Variants in KDM4C observed in about 807,000 individuals in gnomAD.
KDM4C encodes lysine demethylase 4C, also known as lysine-specific demethylase 4C.
A neutral mutation model predicts 129.3 loss-of-function variants in KDM4C; 81 were observed. The observed-to-expected ratio is 0.63, with a 90% CI of 0.52 to 0.75. The LOEUF (loss-of-function observed/expected upper bound fraction) is 0.75, where lower values mean the gene tolerates loss of function less well. Among genes scored for constraint, KDM4C ranks in the 30% least tolerant of loss-of-function variants. KDM4C has a pLI of 0.00. For missense variants in KDM4C, 1,457 were observed against 1,304.0 expected, an observed-to-expected ratio of 1.12 and a Z score of -1.81; for synonymous variants, 573 against 456.1, an observed-to-expected ratio of 1.26 and a Z score of -3.26.
At chr9:6,964,237 C>T (rs972924358) in intron 8 of KDM4C, among the ~76,000 whole-genome samples, 1 of 145,342 alleles carries the variant, frequency 6.9e-6, no homozygotes, top group Non-Finnish European at 1.5e-5. Context: ...TATCCCTCCC[C>T]CCTCCCCTGA....
At chr9:6,877,826 A>G (rs1843797846) in intron 5 of KDM4C, among the ~76,000 whole-genome samples, 2 of 152,194 alleles carry the variant, frequency 1.3e-5, no homozygotes, top group Admixed American at 1.3e-4. Flanking sequence ...TCTGATGGTG[A>G]CATTCCAGTT....
At chr9:6,806,233 G>A (rs954657520) in intron 3 of KDM4C, among the ~76,000 whole-genome samples, 1 of 152,138 alleles carries the variant, frequency 6.6e-6, no homozygotes, top group Admixed American at 6.6e-5. Flanking sequence ...GGTGGCTCAT[G>A]CCTGTAATCC....
At chr9:6,743,511 C>CTT (rs765932331) in intron 1 of KDM4C, among the ~76,000 whole-genome samples, 9 of 142,562 alleles carry the variant, frequency 6.3e-5, no homozygotes, top group Admixed American at 1.4e-4. Flanking sequence ...TTTCTGCTTC[C>CTT]TTTTTTTTTT....
intron 8 of KDM4C, among the ~76,000 whole-genome samples, chr9:6,952,395 C>G (rs1426464884): frequency 1.5e-5 from 2 of 135,826 alleles, no homozygotes; most frequent in Admixed American, 7.3e-5. Context: ...GGAAATTGTT[C>G]ACAGTGTGTA....
rs969985322 is a variant in KDM4C, at chr9:6,968,600, C to G, written c.922-12325C>G. On this transcript the variant is annotated intron_variant, in intron 8 of 21. Transcript: ENST00000381309. ...GAAAAAGTAGTTGAATTCTGCCCTT[C>G]TGCGTTATAAGTTTACTTTGTTGGA... Among the ~76,000 whole-genome samples the G allele has an allele frequency of 1.1e-4, 17 of 152,184 alleles. 1 individual carries two copies. Among genetic ancestry groups the G allele is most frequent in the Admixed American group, 8.5e-4 (13 of 15,278 alleles).
chr9:7,030,202 A>T (rs1826490275), intron 15 of KDM4C, among the ~76,000 whole-genome samples: 2 of 152,144 alleles, frequency 1.3e-5, no homozygotes. Flanking sequence ...TAGGGACCTT[A>T]AATAAAACTG....
chr9:6,753,420 A>G (rs1281307678), upstream of KDM4C, among the ~76,000 whole-genome samples: 1 of 152,148 alleles, frequency 6.6e-6, no homozygotes, highest in African/African-American at 2.4e-5. Flanking sequence ...ATAGGATACC[A>G]CAGACTGGGT....
rs371324577 is a variant in KDM4C at position 7,105,161 on chromosome 9, T to G, written c.2610+1291T>G. On this transcript the variant is annotated intron_variant, in intron 18 of 21. Coordinates refer to ENST00000381309, the MANE Select transcript of KDM4C (RefSeq NM_015061.6). ...TTAAAAATACCTAGTAATAACACCT[T>G]ACATGACTGTGGTGCCTTGCCCTTA... Among the ~76,000 whole-genome samples the G allele has an allele frequency of 2.6e-5, 4 of 152,314 alleles. No individual in the cohort carries two copies. The East Asian group carries it at 7.7e-4, about 29-fold the overall frequency.
intron 9 of KDM4C, among the ~76,000 whole-genome samples, chr9:6,981,503 C>T (rs10117892): frequency 0.22 from 32,708 of 152,124 alleles, 3,782 homozygotes; most frequent in African/African-American, 0.25. Flanking sequence ...TGGTTATCTT[C>T]TTCATTTGTC....
chr9:6,767,200 A>G (rs574292243), intron 1 of KDM4C, among the ~76,000 whole-genome samples: 311 of 151,828 alleles, frequency 2.0e-3, no homozygotes, highest in African/African-American at 7.2e-3. Flanking sequence ...GTGCAGTGGC[A>G]CGATCTCGGC....
chr9:7,028,013 T>C (rs1274520328), intron 15 of KDM4C, among the ~76,000 whole-genome samples: 1 of 152,132 alleles, frequency 6.6e-6, no homozygotes, highest in East Asian at 1.9e-4. Flanking sequence ...GGCCCAGAAC[T>C]GGTAAAGAAA....
chr9:6,897,929 C>G (rs1289669737), intron 8 of KDM4C, among the ~76,000 whole-genome samples: 1 of 152,094 alleles, frequency 6.6e-6, no homozygotes, highest in African/African-American at 2.4e-5. Flanking sequence ...TGACTGTTTT[C>G]TGTTTCTGGA....
At chr9:7,100,401 G>A (rs1429959008) in intron 17 of KDM4C, among the ~76,000 whole-genome samples, 5 of 152,090 alleles carry the variant, frequency 3.3e-5, no homozygotes, top group South Asian at 2.1e-4. Flanking sequence ...GTGCAATGCC[G>A]TGATTTTGGC....
intron 17 of KDM4C, among the ~76,000 whole-genome samples, chr9:7,060,669 A>G (rs1324270355): frequency 6.6e-6 from 1 of 151,848 alleles, no homozygotes; most frequent in South Asian, 2.1e-4. Flanking sequence ...TTTAGTAGAG[A>G]CAGGGTTTCA....
intron 21 of KDM4C, among the ~76,000 whole-genome samples, chr9:7,171,937 A>G (rs1371317318): frequency 6.6e-6 from 1 of 152,196 alleles, no homozygotes; most frequent in Non-Finnish European, 1.5e-5. Flanking sequence ...ATCTTAGGGA[A>G]CAAAGGCTCA....
intron 18 of KDM4C, among the ~76,000 whole-genome samples, chr9:7,123,164 T>A (rs1839681388): frequency 6.6e-6 from 1 of 152,202 alleles, no homozygotes; most frequent in African/African-American, 2.4e-5. Context: ...TTAATTTATA[T>A]ACTGGCCATT....
chr9:6,951,720 T>C (rs1262997958), intron 8 of KDM4C, among the ~76,000 whole-genome samples: 1 of 152,180 alleles, frequency 6.6e-6, no homozygotes, highest in Non-Finnish European at 1.5e-5. Flanking sequence ...TGACTGTCAT[T>C]GTCCTATTTC....
intron 5 of KDM4C, among the ~76,000 whole-genome samples, chr9:6,857,858 G>C (rs898203476): frequency 1.3e-5 from 2 of 148,968 alleles, no homozygotes; most frequent in South Asian, 4.2e-4. Context: ...GGGCTCAAGC[G>C]ATCCTCCCAC....
At chr9:7,158,637 G>C (rs1048951976) in intron 19 of KDM4C, among the ~76,000 whole-genome samples, 1 of 152,188 alleles carries the variant, frequency 6.6e-6, no homozygotes, top group Admixed American at 6.5e-5. Flanking sequence ...CAGTTTCCAT[G>C]TAGTTGAGCG....
Sources: allele counts gnomAD v4.1 joint callset (sites outside exome capture counted in the v4.1 genomes callset), GRCh38; gene constraint gnomAD v4.1.1; transcripts MANE v1.5; gene names NCBI Gene and HGNC (gene_info 2026-07-23, HGNC 2026-07-21).